The following SNTB1 variants were observed in gnomAD, a reference collection of about 807,000 sequenced individuals.
The protein encoded by SNTB1 is syntrophin beta 1, also known as beta-1-syntrophin.
SNTB1 carries 36 observed loss-of-function variants against 48.9 expected under a neutral mutation model. That is an observed-to-expected ratio of 0.74 (90% CI 0.56 to 0.97). The LOEUF is 0.97. Among genes scored for constraint, SNTB1 ranks in the 50% least tolerant of loss-of-function variants. SNTB1 has a pLI of 0.00. For missense variants in SNTB1, 786 were observed against 703.4 expected, an observed-to-expected ratio of 1.12 and a Z score of -1.33; for synonymous variants, 299 against 294.6, an observed-to-expected ratio of 1.01 and a Z score of -0.15.
At chr8:120,793,993 G>A (rs995943371) in intron 1 of SNTB1, among the ~76,000 whole-genome samples, 2 of 151,938 alleles carry the variant, frequency 1.3e-5, no homozygotes, top group African/African-American at 4.8e-5. Context: ...TTTTTATACT[G>A]TAGAAGGAAA....
chr8:120,598,675 C>T lies in SNTB1; in HGVS notation c.997-23450G>A, dbSNP rs558997180. 1.8e-3 allele frequency among the ~76,000 whole-genome samples: 274 copies of T among 152,326 alleles called. 1 individual carries two copies. Among genetic ancestry groups the T allele is most frequent in the African/African-American group, 5.5e-3 (228 of 41,578 alleles). On this transcript the variant is annotated intron_variant, in intron 3 of 6. Coordinates refer to ENST00000517992, the MANE Select transcript of SNTB1 (RefSeq NM_021021.4). ...TTGCTTAAAGCAATACGTATTTATTCCCTTATAGTTCTGGAGGCCAAAAGT... is the reference window on the plus strand; with the variant it reads ...TTGCTTAAAGCAATACGTATTTATTTCCTTATAGTTCTGGAGGCCAAAAGT...
intron 2 of SNTB1, among the ~76,000 whole-genome samples, chr8:120,652,732 G>C (rs553505942): frequency 2.6e-5 from 4 of 152,158 alleles, no homozygotes; most frequent in African/African-American, 9.7e-5. Context: ...GGTTACTGGA[G>C]TATCAAATGA....
chr8:120,641,818 C>G (rs1001842712), intron 2 of SNTB1, among the ~76,000 whole-genome samples: 2 of 152,210 alleles, frequency 1.3e-5, no homozygotes, highest in Non-Finnish European at 2.9e-5. Context: ...CATATAATCA[C>G]TATTCAAATT....
intron 1 of SNTB1, among the ~76,000 whole-genome samples, chr8:120,701,850 T>A (rs1221241223): frequency 6.6e-6 from 1 of 152,068 alleles, no homozygotes; most frequent in Non-Finnish European, 1.5e-5. Flanking sequence ...AAATGTGGAG[T>A]TGAGAGTAAA....
chr8:120,712,651 G>T (rs1045506798), intron 1 of SNTB1, among the ~76,000 whole-genome samples: 18 of 152,090 alleles, frequency 1.2e-4, no homozygotes, highest in African/African-American at 4.1e-4. Context: ...TAATAACATG[G>T]TAAACTTATT....
At chr8:120,610,194 T>C (rs960615232) in intron 3 of SNTB1, among the ~76,000 whole-genome samples, 3 of 152,218 alleles carry the variant, frequency 2.0e-5, no homozygotes, top group African/African-American at 4.8e-5. Context: ...AGGAGTGCAG[T>C]GGCGTGATCT....
chr8:120,682,880 G>GTTTTTTTTTTT (rs759021409), intron 2 of SNTB1, among the ~76,000 whole-genome samples: 1 of 127,402 alleles, frequency 7.8e-6, no homozygotes, highest in Non-Finnish European at 1.6e-5. Context: ...TTTGTTTTTA[G>GTTTTTTTTTTT]TTTTTTTTTT....
chr8:120,681,362 C>T (rs1034667749), intron 2 of SNTB1, among the ~76,000 whole-genome samples: 3 of 152,082 alleles, frequency 2.0e-5, no homozygotes, highest in Admixed American at 6.6e-5. Context: ...GGACAGACAG[C>T]GATGGAGCTG....
intron 1 of SNTB1, among the ~76,000 whole-genome samples, chr8:120,726,740 T>A (rs1428297524): frequency 6.6e-6 from 1 of 152,200 alleles, no homozygotes; most frequent in East Asian, 1.9e-4. Flanking sequence ...AGGAAGTGCA[T>A]GTAGCTGGTT....
rs138500046 is a variant in SNTB1 at position 120,566,246 on chromosome 8, T to C, written c.1136+8840A>G. Among the ~76,000 whole-genome samples the C allele has an allele frequency of 3.2e-3, 474 of 150,452 alleles. 3 individuals are homozygous for C. Among genetic ancestry groups the C allele is most frequent in the Non-Finnish European group, 3.8e-3 (257 of 67,864 alleles). Reference sequence around the variant, plus strand: ...TGGGAGGCTAAGGCAGGAGAATCACTTGAACCCGGGAGGTGGAGGATGCAG... The same window carrying C: ...TGGGAGGCTAAGGCAGGAGAATCACCTGAACCCGGGAGGTGGAGGATGCAG... On this transcript the variant is annotated intron_variant, in intron 4 of 6. Coordinates refer to ENST00000517992, the MANE Select transcript of SNTB1 (RefSeq NM_021021.4).
chr8:120,602,012 A>G (rs143372750), intron 3 of SNTB1, among the ~76,000 whole-genome samples: 7 of 152,240 alleles, frequency 4.6e-5, no homozygotes, highest in African/African-American at 1.4e-4. Flanking sequence ...CAAAAAACAA[A>G]AACAAACAAC....
At chr8:120,565,115 A>T (rs1452144378) in intron 4 of SNTB1, among the ~76,000 whole-genome samples, 1 of 146,926 alleles carries the variant, frequency 6.8e-6, no homozygotes, top group African/African-American at 2.5e-5. Flanking sequence ...AACAGGATGG[A>T]TTTTAAAAGT....
At chr8:120,746,118 CACTTAT>C (rs1470818848) in intron 1 of SNTB1, among the ~76,000 whole-genome samples, 1 of 152,168 alleles carries the variant, frequency 6.6e-6, no homozygotes, top group Admixed American at 6.5e-5. Context: ...TGCATAGGTT[CACTTAT>C]ACTTGGACTT....
rs371047327 is a variant in SNTB1, at chr8:120,753,761, G to A, written c.571+57512C>T. Among the ~76,000 whole-genome samples, 8 of 152,100 alleles carry A rather than the reference G, an allele frequency of 5.3e-5. No homozygotes were observed. In the East Asian group the frequency reaches 1.2e-3, roughly 22 times the overall value. On this transcript the variant is annotated intron_variant, in intron 1 of 6. Coordinates refer to ENST00000517992, the MANE Select transcript of SNTB1 (RefSeq NM_021021.4). ...GAAGCAAATAAATGCATACTAGAGGGACTTTAATGATGAAACAAGCCACAC... is the reference window on the plus strand; with the variant it reads ...GAAGCAAATAAATGCATACTAGAGGAACTTTAATGATGAAACAAGCCACAC...
intron 3 of SNTB1, 88 bp downstream of exon 3, chr8:120,632,356 G>C: frequency 8.4e-7 from 1 of 1,186,576 alleles, no homozygotes; most frequent in Non-Finnish European, 1.2e-6. Context: ...GAGAGAATCA[G>C]CCTATGGGAT....
intron 6 of SNTB1, among the ~76,000 whole-genome samples, chr8:120,539,462 C>T (rs781126135): frequency 3.9e-5 from 6 of 152,172 alleles, no homozygotes; most frequent in Non-Finnish European, 7.3e-5. Context: ...AAAACCTCCT[C>T]GTAAACTGTA....
chr8:120,760,921 G>A lies in SNTB1; in HGVS notation c.571+50352C>T, dbSNP rs117216724. Among the ~76,000 whole-genome samples the A allele has an allele frequency of 6.2e-3, 936 of 152,036 alleles. 7 individuals are homozygous for A. Among genetic ancestry groups the A allele is most frequent in the Non-Finnish European group, 7.4e-3 (500 of 67,982 alleles). ...AATTTTTTCTGCATGAAAAAATACC[G>A]TAAACAAAGTCAAAAGACAAATAGG... On this transcript the variant is annotated intron_variant, in intron 1 of 6. Transcript: ENST00000517992.
chr8:120,618,575 G>C (rs1038790773), intron 3 of SNTB1, among the ~76,000 whole-genome samples: 1 of 152,158 alleles, frequency 6.6e-6, no homozygotes, highest in African/African-American at 2.4e-5. Flanking sequence ...GTGCTGAATA[G>C]TGTTTATCAA....
At chr8:120,700,585 CGGAGA>C (rs1301288977) in intron 1 of SNTB1, among the ~76,000 whole-genome samples, 1 of 152,106 alleles carries the variant, frequency 6.6e-6, no homozygotes, top group Non-Finnish European at 1.5e-5. Context: ...AGAAAAGGGG[CGGAGA>C]GGAGTCAGAG....
Sources: allele counts gnomAD v4.1 joint callset (sites outside exome capture counted in the v4.1 genomes callset), GRCh38; gene constraint gnomAD v4.1.1; transcripts MANE v1.5; gene names NCBI Gene and HGNC (gene_info 2026-07-23, HGNC 2026-07-21).